The following CSNK1G2 variants were observed in gnomAD, a reference collection of about 807,000 sequenced individuals.
CSNK1G2 encodes casein kinase I isoform gamma-2.
Under a neutral mutation model 48.0 loss-of-function variants are expected in CSNK1G2, and 11 were observed. That is an observed-to-expected ratio of 0.23 (90% CI 0.14 to 0.38). The LOEUF (loss-of-function observed/expected upper bound fraction) is 0.38, where lower values mean the gene tolerates loss of function less well. Among genes scored for constraint, CSNK1G2 ranks in the 10% least tolerant of loss-of-function variants. CSNK1G2 has a pLI of 1.00. For synonymous variants in CSNK1G2, 337 were observed against 254.1 expected, an observed-to-expected ratio of 1.33 and a Z score of -3.10; for missense variants, 446 against 595.5, an observed-to-expected ratio of 0.75 and a Z score of 2.61.
At chr19:1,945,868 T>C (rs963565712) in intron 1 of CSNK1G2, among the ~76,000 whole-genome samples, 5 of 150,310 alleles carry the variant, frequency 3.3e-5, no homozygotes, top group African/African-American at 1.2e-4. Flanking sequence ...GCGCATCTGC[T>C]GAACTTCTGG....
chr19:1,943,714 G>C (rs1361521873), intron 1 of CSNK1G2, among the ~76,000 whole-genome samples: 1 of 152,176 alleles, frequency 6.6e-6, no homozygotes, highest in African/African-American at 2.4e-5. Context: ...AGAGCCACTG[G>C]GACGGACGGA....
intron 1 of CSNK1G2, among the ~76,000 whole-genome samples, chr19:1,963,553 G>C (rs1278287912): frequency 3.3e-5 from 5 of 151,038 alleles, no homozygotes; most frequent in Non-Finnish European, 5.9e-5. Context: ...TATCACCCAG[G>C]CTGGAGTGCA....
intron 1 of CSNK1G2, chr19:1,959,130 A>G (rs1197112443): frequency 6.6e-6 from 1 of 152,158 alleles, no homozygotes; most frequent in African/African-American, 2.4e-5. Context: ...TTAGCTCATC[A>G]TGAGGCTGTG....
At position 1,946,269 on chromosome 19, in the gene CSNK1G2, T is replaced by TATTC. The variant is rs1485307167; in HGVS notation, c.-266+4854_-266+4855insCATT. ...GCTGGCCCATCACTATTTATTCGTT[T>TATTC]ATTTATTTATTTATTTATTTTTTAT... is the stretch of plus-strand genomic sequence containing the variant. On this transcript the variant is annotated intron_variant, in intron 1 of 11. Transcript: ENST00000255641. Among the ~76,000 whole-genome samples, 322 of 128,296 alleles carry TATTC rather than the reference T, an allele frequency of 2.5e-3. 3 individuals are homozygous for TATTC. Among genetic ancestry groups the TATTC allele is most frequent in the Middle Eastern group, 0.012 (3 of 254 alleles). The allele number at this position is 128,296 out of a possible 152,430, so 84.2% of individuals were successfully genotyped here.
At chr19:1,953,517 G>A in intron 1 of CSNK1G2, 1 of 531,474 alleles carries the variant, frequency 1.9e-6, no homozygotes, top group Non-Finnish European at 3.9e-6. Flanking sequence ...CTGAATTTTG[G>A]GAAAATTGCC....
rs774488810 is a variant in CSNK1G2 at position 1,979,652 on chromosome 19, G to A, written c.1002+9G>A. The A allele has an allele frequency of 3.1e-6, 5 of 1,602,384 alleles. No individual in the cohort carries two copies. The highest frequency in any genetic ancestry group is 1.1e-5 in the South Asian group (1 of 91,082). On this transcript the variant is annotated intron_variant, in intron 9 of 11. Coordinates refer to ENST00000255641, the MANE Select transcript of CSNK1G2 (RefSeq NM_001319.7). ...GGGCCGGGAAGCCCCTGGTAGGTGG[G>A]GGGGTGCCGGTATGTGGGAGCGGGG...
rs113167595 is a variant in CSNK1G2 at position 1,959,618 on chromosome 19, C to G, written c.-265-9890C>G. ...TAGTGCCACCCTGAGTCCCCCAGCACCCGTGCCACCTTTAGTGCCACCGTG... is the reference window on the plus strand; with the variant it reads ...TAGTGCCACCCTGAGTCCCCCAGCAGCCGTGCCACCTTTAGTGCCACCGTG... On this transcript the variant is annotated intron_variant, in intron 1 of 11. Coordinates refer to ENST00000255641, the MANE Select transcript of CSNK1G2 (RefSeq NM_001319.7). Among the ~76,000 whole-genome samples the G allele has an allele frequency of 2.7e-3, 177 of 64,458 alleles. 9 individuals are homozygous for G. The highest frequency in any genetic ancestry group is 0.01 in the African/African-American group (111 of 10,586). 42.3% of individuals were successfully genotyped at this position (64,458 alleles called of 152,430 possible). A position where few individuals can be genotyped will look rare whatever the true frequency, so the allele number is the denominator to read the frequency against.
At chr19:1,956,986 A>C (rs2015021198) in intron 1 of CSNK1G2, among the ~76,000 whole-genome samples, 1 of 152,168 alleles carries the variant, frequency 6.6e-6, no homozygotes, top group Non-Finnish European at 1.5e-5. Context: ...GGAAGAGAGA[A>C]GGAGGGAGGA....
chr19:1,957,362 C>G lies in CSNK1G2; in HGVS notation c.-265-12146C>G, dbSNP rs572833226. On this transcript the variant is annotated intron_variant, in intron 1 of 11. Coordinates refer to ENST00000255641, the MANE Select transcript of CSNK1G2 (RefSeq NM_001319.7). This position sits in a 1 kb window ranked among gnomAD's most constrained non-coding sequence, Gnocchi z 5.4. ...TGGGCACCACAGACGAAAGTGGAGC[C>G]GGGGGAGAGATGTCCCGGGATGCAC... 1.3e-5 allele frequency among the ~76,000 whole-genome samples: 2 copies of G among 152,160 alleles called. No individual in the cohort carries two copies. The highest frequency in any genetic ancestry group is 2.9e-5 in the Non-Finnish European group (2 of 68,038).
At chr19:1,968,952 T>A (rs2015471482) in intron 1 of CSNK1G2, 1 of 152,524 alleles carries the variant, frequency 6.6e-6, no homozygotes, top group Non-Finnish European at 1.5e-5. Context: ...CTCCGGGGCC[T>A]CCTGCCCTCC....
intron 1 of CSNK1G2, among the ~76,000 whole-genome samples, chr19:1,962,860 G>A (rs2015243820): frequency 6.6e-6 from 1 of 152,186 alleles, no homozygotes; most frequent in South Asian, 2.1e-4. Context: ...GAAGCCCGCA[G>A]CCACGCAGAA....
At chr19:1,974,051 C>G (rs2015668365) in intron 2 of CSNK1G2, among the ~76,000 whole-genome samples, 3 of 152,062 alleles carry the variant, frequency 2.0e-5, no homozygotes, top group Admixed American at 2.0e-4. Context: ...CCACACCCAG[C>G]TAATTTTTGT....
intron 1 of CSNK1G2, among the ~76,000 whole-genome samples, chr19:1,955,077 G>A (rs965301866): frequency 3.3e-5 from 5 of 152,160 alleles, no homozygotes; most frequent in South Asian, 2.1e-4. Context: ...CCTGGGGTTC[G>A]GAGAGCCCCA....
chr19:1,956,370 C>G (rs1307013779), intron 1 of CSNK1G2, among the ~76,000 whole-genome samples: 1 of 152,212 alleles, frequency 6.6e-6, no homozygotes, highest in East Asian at 1.9e-4. Flanking sequence ...GAGCCAAGAT[C>G]AGACGGCATG....
chr19:1,947,553 G>A lies in CSNK1G2; in HGVS notation c.-266+6135G>A, dbSNP rs114869210. Among the ~76,000 whole-genome samples the A allele has an allele frequency of 2.8e-3, 430 of 152,330 alleles. 3 individuals carry two copies. Among genetic ancestry groups the A allele is most frequent in the African/African-American group, 9.6e-3 (399 of 41,582 alleles). On this transcript the variant is annotated intron_variant, in intron 1 of 11. Transcript: ENST00000255641. ...CCCAGGACGGGAGCCTGAGGGCAGC[G>A]CACGGGACCAGCGTGAGGACACGGA...
At chr19:1,956,911 T>G (rs1224105877) in intron 1 of CSNK1G2, among the ~76,000 whole-genome samples, 1 of 152,168 alleles carries the variant, frequency 6.6e-6, no homozygotes, top group Non-Finnish European at 1.5e-5. Flanking sequence ...ATGGGTTAAT[T>G]CAGTTAATCA....
intron 1 of CSNK1G2, among the ~76,000 whole-genome samples, chr19:1,948,423 T>C (rs1646902669): frequency 1.4e-5 from 2 of 147,744 alleles, no homozygotes; most frequent in African/African-American, 5.0e-5. Context: ...CTCGGGAGGC[T>C]GAGGGAGGAG....
At position 1,970,010 on chromosome 19, in the gene CSNK1G2, G is replaced by T. The variant is rs762110539; in HGVS notation, c.187+51G>T. On this transcript the variant is annotated intron_variant, in intron 2 of 11. Transcript: ENST00000255641. ...GGGTCGGGAGGCTGCTGGCAGGGCC[G>T]CCCCGAGTCACCGGAGCCTCTGGTG... 1.3e-5 allele frequency: 16 copies of T among 1,278,154 alleles called. No individual in the cohort carries two copies. In the East Asian group the frequency reaches 2.6e-4, roughly 20 times the overall value. The allele number at this position is 1,278,154 out of a possible 1,614,324, so 79.2% of individuals were successfully genotyped here. A position where few individuals can be genotyped will look rare whatever the true frequency, so the allele number is the denominator to read the frequency against.
intron 1 of CSNK1G2, chr19:1,954,134 C>T (rs1410508340): frequency 2.6e-6 from 1 of 384,106 alleles, no homozygotes; most frequent in African/African-American, 2.1e-5. Context: ...ATGCGTTAAA[C>T]CCATTACCGG....
Sources: allele counts gnomAD v4.1 joint callset (sites outside exome capture counted in the v4.1 genomes callset), GRCh38; gene constraint gnomAD v4.1.1; non-coding constraint Gnocchi (gnomAD v3.1); transcripts MANE v1.5; gene names NCBI Gene and HGNC (gene_info 2026-07-23, HGNC 2026-07-21).